ARHGEF28: variants seen among roughly 807,000 people sequenced by gnomAD.
ARHGEF28 encodes the protein Rho guanine nucleotide exchange factor 28, also known as 190 kDa guanine nucleotide exchange factor.
In ARHGEF28, 152 loss-of-function variants were observed where a neutral mutation model predicts 206.6. The ratio of observed to expected loss-of-function variants is 0.74; its 90% CI spans 0.64 to 0.84. ARHGEF28 has a LOEUF of 0.84. ARHGEF28 is among the 40% of genes least tolerant of loss of function. The probability of loss-of-function intolerance (pLI) is 0.00; values close to 1 mark genes in which losing one functional copy is unlikely to be tolerated. For synonymous variants in ARHGEF28, 763 were observed against 776.4 expected, an observed-to-expected ratio of 0.98 and a Z score of 0.29; for missense variants, 2,028 against 2,073.2, an observed-to-expected ratio of 0.98 and a Z score of 0.42.
At chr5:73,695,761 G>A (rs558766016) in intron 2 of ARHGEF28, among the ~76,000 whole-genome samples, 2 of 152,170 alleles carry the variant, frequency 1.3e-5, no homozygotes, top group South Asian at 4.2e-4. Context: ...TTGGATTATT[G>A]CCCCTGGCCT....
At chr5:73,910,472 GAACA>G (rs953231733) in intron 34 of ARHGEF28, among the ~76,000 whole-genome samples, 1 of 149,420 alleles carries the variant, frequency 6.7e-6, no homozygotes, top group Non-Finnish European at 1.5e-5. Context: ...TTACCCTAAG[GAACA>G]AACACAGAAT....
intron 2 of ARHGEF28, among the ~76,000 whole-genome samples, chr5:73,703,959 G>A (rs574674519): frequency 2.2e-4 from 33 of 151,886 alleles, no homozygotes; most frequent in African/African-American, 8.0e-4. Context: ...AGGAGGCAGA[G>A]GTTGCAGTGA....
At chr5:73,766,665 C>T (rs535886034) in intron 4 of ARHGEF28, among the ~76,000 whole-genome samples, 1 of 152,216 alleles carries the variant, frequency 6.6e-6, no homozygotes, top group African/African-American at 2.4e-5. Flanking sequence ...CTGGAGAGGG[C>T]CTTAAACATC....
intron 22 of ARHGEF28, among the ~76,000 whole-genome samples, chr5:73,874,107 A>G (rs1428755065): frequency 6.6e-6 from 1 of 152,130 alleles, no homozygotes; most frequent in Non-Finnish European, 1.5e-5. Context: ...TTCAAGTTGC[A>G]CTTCCCTCAT....
chr5:73,893,906 A>G (rs549679168), intron 28 of ARHGEF28, among the ~76,000 whole-genome samples: 1 of 152,298 alleles, frequency 6.6e-6, no homozygotes, highest in African/African-American at 2.4e-5. Flanking sequence ...GAATTCTGTA[A>G]CATGTTGAAA....
chr5:73,699,169 G>A (rs1392957918), intron 2 of ARHGEF28, among the ~76,000 whole-genome samples: 3 of 150,900 alleles, frequency 2.0e-5, no homozygotes, highest in East Asian at 1.9e-4. Context: ...GTGTGTGTAT[G>A]TGTGTGTGTG....
In ARHGEF28 at chr5:73,832,425, A is replaced by G. The variant is rs1274463716; in HGVS notation, c.1112A>G (p.Asp371Gly). 1 of 1,612,678 alleles carries G rather than the reference A, an allele frequency of 6.2e-7. No homozygotes were observed. The highest frequency in any genetic ancestry group is 8.5e-7 in the Non-Finnish European group (1 of 1,179,400). Reference protein sequence around the residue: ...GRLSDMLNGGDEVYANCMVID... With the variant: ...GRLSDMLNGGGEVYANCMVID... Reference sequence around the variant, plus strand: ...CTTTCAGACATGCTGAATGGAGGTGATGAAGTCTACGCTAACTGTATGGTG... The same window carrying G: ...CTTTCAGACATGCTGAATGGAGGTGGTGAAGTCTACGCTAACTGTATGGTG... The change falls in exon 10 of 36, where the codon GAT becomes GGT. Residue 371 changes from aspartate to glycine, a missense_variant. Asp to Gly is a moderately conservative substitution (Grantham distance 94). Coordinates refer to ENST00000513042, the MANE Select transcript of ARHGEF28 (RefSeq NM_001177693.2).
intron 31 of ARHGEF28, chr5:73,903,715 G>A (rs1356765217): frequency 6.4e-6 from 1 of 156,992 alleles, no homozygotes; most frequent in Non-Finnish European, 1.4e-5. Context: ...TATGGCCACC[G>A]TCTGAGTCTG....
At chr5:73,940,813 T>G in intron 35 of ARHGEF28, 31 bp from the exon 36 acceptor site, 1 of 1,410,614 alleles carries the variant, frequency 7.1e-7, no homozygotes, top group Non-Finnish European at 9.2e-7. Flanking sequence ...TCAGGTGGCC[T>G]CCTGTAACCT....
chr5:73,802,758 G>A (rs1755211417), intron 9 of ARHGEF28, among the ~76,000 whole-genome samples: 1 of 151,878 alleles, frequency 6.6e-6, no homozygotes, highest in South Asian at 2.1e-4. Context: ...ACCACTAAGG[G>A]ATTTCTTCCC....
intron 29 of ARHGEF28, among the ~76,000 whole-genome samples, chr5:73,896,155 G>A (rs1761949487): frequency 6.6e-6 from 1 of 152,206 alleles, no homozygotes; most frequent in Non-Finnish European, 1.5e-5. Context: ...GTAAGATGAA[G>A]GCTTTACTTC....
chr5:73,863,170 A>G (rs1234324697), intron 16 of ARHGEF28: 1 of 152,036 alleles, frequency 6.6e-6, no homozygotes, highest in African/African-American at 2.4e-5. Flanking sequence ...AGGACTTTTC[A>G]TTTTTTAATC....
chr5:73,913,773 C>G (rs988535869), intron 35 of ARHGEF28, among the ~76,000 whole-genome samples: 3 of 152,190 alleles, frequency 2.0e-5, no homozygotes, highest in Admixed American at 1.3e-4. Context: ...TGTAATCTGG[C>G]TAACATAATT....
At chr5:73,652,606 A>C (rs1357435763) in intron 1 of ARHGEF28, among the ~76,000 whole-genome samples, 1 of 152,364 alleles carries the variant, frequency 6.6e-6, no homozygotes, top group South Asian at 2.1e-4. Flanking sequence ...TTTATGAGTG[A>C]CATGAGGAAA....
intron 33 of ARHGEF28, chr5:73,905,376 T>G (rs1762492741): frequency 6.6e-6 from 1 of 151,944 alleles, no homozygotes; most frequent in African/African-American, 2.4e-5. Flanking sequence ...GACCACTACC[T>G]TAGACCATGC....
intron 10 of ARHGEF28, among the ~76,000 whole-genome samples, chr5:73,832,894 CT>C (rs1757389936): frequency 6.6e-6 from 1 of 152,204 alleles, no homozygotes; most frequent in African/African-American, 2.4e-5. Flanking sequence ...ACATAAATTA[CT>C]TGCTTAATCG....
intron 2 of ARHGEF28, among the ~76,000 whole-genome samples, chr5:73,712,950 G>A (rs1749341038): frequency 6.6e-6 from 1 of 152,138 alleles, no homozygotes; most frequent in Non-Finnish European, 1.5e-5. Flanking sequence ...TAAATACAAT[G>A]AGCATTAGTT....
intron 2 of ARHGEF28, among the ~76,000 whole-genome samples, chr5:73,689,153 T>C (rs1479447726): frequency 4.6e-5 from 7 of 152,194 alleles, no homozygotes; most frequent in Non-Finnish European, 8.8e-5. Flanking sequence ...AATTAAATTT[T>C]TGTTTTTCTG....
chr5:73,909,488 G>C lies in ARHGEF28; in HGVS notation c.4238G>C (p.Gly1413Ala). ...VLQQQEGLSL[G>A]HSILRGGPLQ... The stretch of plus-strand genomic sequence containing the variant: ...CAGCAGCAGGAGGGCCTGTCTCTCG[G>C]CCACTCTATCCTCCGAGGCGGCCCC... Residue 1413 changes from glycine to alanine, a missense_variant, in exon 34 of 36, where the codon GGC (glycine) becomes GCC (alanine). Around this residue, in one of 3 missense-constraint regions of ARHGEF28, gnomAD observed 803 missense variants for 768.0 expected, o/e 1.05. Coordinates refer to ENST00000513042, the MANE Select transcript of ARHGEF28 (RefSeq NM_001177693.2). 1.2e-6 allele frequency: 2 copies of C among 1,612,288 alleles called. 1 individual carries two copies. Among genetic ancestry groups the C allele is most frequent in the South Asian group, 2.2e-5 (2 of 90,832 alleles).
Sources: gnomAD v4.1 joint callset for allele counts (sites outside exome capture counted in the v4.1 genomes callset) on GRCh38, gnomAD v4.1.1 for gene constraint, gnomAD v4.1.1 regional missense constraint, MANE v1.5 for transcripts, NCBI Gene and HGNC (gene_info 2026-07-23, HGNC 2026-07-21) for gene names.